Variants in DMD observed in about 807,000 individuals in gnomAD.
The protein encoded by DMD is mutant dystrophin.
Under a neutral mutation model 330.1 loss-of-function variants are expected in DMD, and 63 were observed. The ratio of observed to expected loss-of-function variants is 0.19; its 90% CI spans 0.16 to 0.24. DMD has a LOEUF of 0.24. Ranked by LOEUF, DMD falls within the 10% of genes least tolerant of loss-of-function variation. DMD has a pLI of 1.00. For synonymous variants in DMD, 1,223 were observed against 959.8 expected (o/e 1.27, Z -5.07); for missense variants, 3,344 against 2,684.1 (o/e 1.25, Z -5.43).
At chrX:31,957,305 C>T (rs1015651441) in intron 45 of DMD, among the ~76,000 whole-genome samples, 3 of 112,063 alleles carry the variant, frequency 2.7e-5, no homozygotes, top group African/African-American at 3.2e-5. Context: ...CTGTTATTCA[C>T]AGCTATGAAC....
At chrX:32,783,429 T>C (rs112930564) in intron 7 of DMD, among the ~76,000 whole-genome samples, 9,807 of 104,291 alleles carry the variant, frequency 0.094, 1,259 homozygotes, top group African/African-American at 0.33. Context: ...CACAAAAATT[T>C]CCAAAAAAAA....
intron 44 of DMD, among the ~76,000 whole-genome samples, chrX:32,081,583 A>C (rs1401778472): frequency 8.9e-6 from 1 of 111,822 alleles, no homozygotes; most frequent in African/African-American, 3.3e-5. Flanking sequence ...GGCCGGGCGT[A>C]GTGGCTCACG....
At chrX:31,272,108 T>C (rs2051678990) in intron 62 of DMD, among the ~76,000 whole-genome samples, 1 of 111,316 alleles carries the variant, frequency 9.0e-6, no homozygotes, top group Non-Finnish European at 1.9e-5. Flanking sequence ...AAACCAGAGA[T>C]TTCACCAGAC....
At chrX:31,410,319 T>C (rs769159684) in intron 60 of DMD, among the ~76,000 whole-genome samples, 2 of 112,091 alleles carry the variant, frequency 1.8e-5, no homozygotes, top group Admixed American at 9.5e-5. Context: ...ATGATATAAA[T>C]GGTTACTGAG....
intron 55 of DMD, among the ~76,000 whole-genome samples, chrX:31,606,722 T>C (rs991085675): frequency 7.6e-4 from 85 of 112,276 alleles, no homozygotes; most frequent in African/African-American, 2.7e-3. Context: ...CTGAAACTAT[T>C]ATATAAAACA....
intron 49 of DMD, among the ~76,000 whole-genome samples, chrX:31,825,578 A>C (rs1198325083): frequency 9.0e-6 from 1 of 111,652 alleles, no homozygotes; most frequent in Admixed American, 9.5e-5. Flanking sequence ...AGTTAGCTTT[A>C]ATACTTAAAG....
intron 44 of DMD, among the ~76,000 whole-genome samples, chrX:32,139,880 A>G (rs1297887502): frequency 8.9e-6 from 1 of 112,588 alleles, no homozygotes; most frequent in East Asian, 2.8e-4. Context: ...AAGAAGAGAG[A>G]AAATTAAAAT....
chrX:32,335,634 C>CATACATAACATGTT (rs2097703867), intron 41 of DMD, among the ~76,000 whole-genome samples: 1 of 14,348 alleles, frequency 7.0e-5, no homozygotes, highest in East Asian at 2.1e-3. Context: ...ATATACATAA[C>CATACATAACATGTT]ATATACATAA....
At chrX:31,587,371 G>A (rs964430647) in intron 55 of DMD, among the ~76,000 whole-genome samples, 3 of 111,879 alleles carry the variant, frequency 2.7e-5, no homozygotes, top group African/African-American at 9.7e-5. Flanking sequence ...TAATGCATAC[G>A]ATAATTGGCT....
chrX:31,615,801 T>C (rs142583360), intron 55 of DMD, among the ~76,000 whole-genome samples: 129 of 112,213 alleles, frequency 1.1e-3, no homozygotes, highest in Middle Eastern at 4.6e-3. Context: ...CAAATGAGAA[T>C]TGTGCTCTCA....
At chrX:32,552,547 G>A (rs2049695230) in intron 16 of DMD, among the ~76,000 whole-genome samples, 1 of 111,585 alleles carries the variant, frequency 9.0e-6, no homozygotes, top group Non-Finnish European at 1.9e-5. Flanking sequence ...AAAAACAATT[G>A]AAACAAAAAC....
intron 44 of DMD, among the ~76,000 whole-genome samples, chrX:32,018,407 G>A (rs758087323): frequency 4.5e-5 from 5 of 111,103 alleles, no homozygotes; most frequent in African/African-American, 1.3e-4. Context: ...TATACCACCC[G>A]TGTTCTTTGC....
intron 18 of DMD, among the ~76,000 whole-genome samples, chrX:32,514,183 C>T (rs1180931888): frequency 1.9e-5 from 2 of 105,399 alleles, no homozygotes; most frequent in Non-Finnish European, 3.9e-5. Flanking sequence ...AACACACACC[C>T]AGAGATGAGC....
intron 60 of DMD, among the ~76,000 whole-genome samples, chrX:31,377,964 C>T (rs761400210): frequency 1.8e-5 from 2 of 110,855 alleles, no homozygotes; most frequent in Non-Finnish European, 3.8e-5. Context: ...CCACTGAGCA[C>T]CTTGTGACTC....
At chrX:31,765,860 C>T (rs750862893) in intron 51 of DMD, among the ~76,000 whole-genome samples, 106 of 110,964 alleles carry the variant, frequency 9.6e-4, no homozygotes, top group Non-Finnish European at 1.6e-3. Context: ...CAACCTGACT[C>T]TAGAGTGCTT....
Position 32,084,399 on chromosome X carries a change from C to T in DMD, c.6439-115885G>A, listed in dbSNP as rs745319627. On this transcript the variant is annotated intron_variant, in intron 44 of 78. Coordinates refer to ENST00000357033, the MANE Select transcript of DMD (RefSeq NM_004006.3). ...ACCTCTTAGGTCCCTGGTTGGAGTG[C>T]CTTTTTCAAATGTCTCTGCCCAAAG... Among the ~76,000 whole-genome samples the T allele has an allele frequency of 2.0e-4, 22 of 111,168 alleles. No individual in the cohort carries two copies. In the South Asian group the frequency reaches 6.1e-3, roughly 31 times the overall value.
In DMD at chrX:33,064,996, A is replaced by C. The variant is rs2094633220; in HGVS notation, c.32-44796T>G. ...TAATAAGCAAAGGTCTCTACTTCTC[A>C]GAAGCTCTGTTGGATGATACAGGTT... is the stretch of plus-strand genomic sequence containing the variant. On this transcript the variant is annotated intron_variant, in intron 1 of 78. Transcript: ENST00000357033. Among the ~76,000 whole-genome samples, 11 of 112,380 alleles carry C rather than the reference A, an allele frequency of 9.8e-5. No homozygotes were observed. The South Asian group carries it at 4.0e-3, about 41-fold the overall frequency.
intron 62 of DMD, among the ~76,000 whole-genome samples, chrX:31,316,361 C>T (rs2056010716): frequency 8.9e-6 from 1 of 111,971 alleles, no homozygotes; most frequent in Non-Finnish European, 1.9e-5. Flanking sequence ...GAATTCATTC[C>T]AATATTTACC....
At chrX:33,005,275 A>C (rs6631706) in intron 2 of DMD, among the ~76,000 whole-genome samples, 2 of 102,626 alleles carry the variant, frequency 1.9e-5, no homozygotes, top group Non-Finnish European at 2.0e-5. Context: ...CACACACACA[A>C]ACACACACAC....
Sources: gnomAD v4.1 joint callset for allele counts (sites outside exome capture counted in the v4.1 genomes callset) on GRCh38, gnomAD v4.1.1 for gene constraint, MANE v1.5 for transcripts, NCBI Gene and HGNC (gene_info 2026-07-23, HGNC 2026-07-21) for gene names.